HERC2: variants seen among roughly 807,000 people sequenced by gnomAD.
The protein encoded by HERC2 is E3 ubiquitin-protein ligase HERC2.
HERC2 carries 102 observed loss-of-function variants against 537.7 expected under a neutral mutation model. That is an observed-to-expected ratio of 0.19 (90% CI 0.16 to 0.22). The LOEUF is 0.22. Ranked by LOEUF, HERC2 falls within the 10% of genes least tolerant of loss-of-function variation. HERC2 has a pLI of 1.00. For synonymous variants in HERC2, 2,224 were observed against 2,466.2 expected (o/e 0.90, Z 2.91); for missense variants, 4,236 against 6,198.2 (o/e 0.68, Z 10.63).
chr15:28,214,941 C>G, intron 39 of HERC2, 139 bp from the exon 40 acceptor site: 1 of 663,044 alleles, frequency 1.5e-6, no homozygotes, highest in South Asian at 2.0e-5. Context: ...GGCACGGTCT[C>G]GGCTCACTAC....
intron 44 of HERC2, among the ~76,000 whole-genome samples, chr15:28,209,620 G>C (rs1358803339): frequency 6.6e-6 from 1 of 152,170 alleles, no homozygotes; most frequent in Non-Finnish European, 1.5e-5. Flanking sequence ...TGGGATTACA[G>C]GCATGAGCCA....
In HERC2 at chr15:28,214,278, G is replaced by T; in HGVS notation, c.6359-6C>A. 1 of 1,610,340 alleles carries T rather than the reference G, an allele frequency of 6.2e-7. No homozygotes were observed. The highest frequency in any genetic ancestry group is 8.5e-7 in the Non-Finnish European group (1 of 1,178,568). On this transcript the variant is annotated splice_region_variant and splice_polypyrimidine_tract_variant and intron_variant, in intron 40 of 92. Coordinates refer to ENST00000261609, the MANE Select transcript of HERC2 (RefSeq NM_004667.6). ...GCGCCGCCTCAGCGTGGACTCTGAG[G>T]AGGAAACCAGGGGAGAAGCTGCTGC... is the stretch of plus-strand genomic sequence containing the variant.
intron 78 of HERC2, among the ~76,000 whole-genome samples, chr15:28,137,233 A>T (rs562576317): frequency 1.3e-5 from 2 of 152,358 alleles, no homozygotes; most frequent in African/African-American, 4.8e-5. Context: ...CTATATTTCA[A>T]ACCTTTTTAT....
chr15:28,246,705 A>T (rs1903744544), intron 22 of HERC2, 37 bp downstream of exon 22: 1 of 1,505,620 alleles, frequency 6.6e-7, no homozygotes, highest in Non-Finnish European at 8.9e-7. Context: ...TCTATCTCCT[A>T]AAATAAACAT....
intron 83 of HERC2, among the ~76,000 whole-genome samples, chr15:28,127,203 GCA>G (rs1889593904): frequency 6.6e-6 from 1 of 152,228 alleles, no homozygotes; most frequent in South Asian, 2.1e-4. Flanking sequence ...GGCGGGTGTC[GCA>G]CACACAAGGT....
In HERC2 at chr15:28,115,521, T is replaced by A; in HGVS notation, c.13630A>T (p.Ile4544Phe). Residue 4544 changes from isoleucine (I) to phenylalanine (F), a missense_variant, in exon 89 of 93, where the codon ATC (isoleucine) becomes TTC (phenylalanine). Physicochemically the swap from Ile to Phe is conservative, Grantham distance 21. Around this residue, in one of 27 missense-constraint regions of HERC2, gnomAD observed 313 missense variants for 462.6 expected, o/e 0.68. Transcript: ENST00000261609. ...RFLGVLLGIA[I>F]RTGSPLSLNL... ...AGGCTCAGGGGACTCCCGGTTCGGATGGCAATGCCCAGCAACACACCTGAT... is the reference window on the plus strand; with the variant it reads ...AGGCTCAGGGGACTCCCGGTTCGGAAGGCAATGCCCAGCAACACACCTGAT... 2 of 1,613,882 alleles carry A rather than the reference T, an allele frequency of 1.2e-6. No individual in the cohort carries two copies. Among genetic ancestry groups the A allele is most frequent in the Non-Finnish European group, 1.7e-6 (2 of 1,179,924 alleles).
chr15:28,112,388 T>C (rs1202099266), intron 92 of HERC2, among the ~76,000 whole-genome samples: 1 of 152,094 alleles, frequency 6.6e-6, no homozygotes, highest in Admixed American at 6.5e-5. Context: ...CCCCTACAGA[T>C]TAAGATACTA....
chr15:28,303,358 G>A (rs1386092868), intron 2 of HERC2, among the ~76,000 whole-genome samples: 1 of 151,934 alleles, frequency 6.6e-6, no homozygotes, highest in African/African-American at 2.4e-5. Flanking sequence ...TGTTCCATTG[G>A]TCTAGGTGTC....
intron 55 of HERC2, 104 bp downstream of exon 55, chr15:28,190,857 ATTAT>A: frequency 1.4e-6 from 1 of 734,710 alleles, no homozygotes; most frequent in East Asian, 2.6e-5. Flanking sequence ...GAAAGAACCA[ATTAT>A]TTAAACGGGG....
intron 2 of HERC2, among the ~76,000 whole-genome samples, chr15:28,303,548 T>C (rs1174736872): frequency 6.6e-6 from 1 of 152,258 alleles, no homozygotes; most frequent in Non-Finnish European, 1.5e-5. Flanking sequence ...TGTGATTCCA[T>C]ACAAATTTCA....
At chr15:28,169,221 A>G (rs1016712824) in intron 66 of HERC2, among the ~76,000 whole-genome samples, 1 of 152,224 alleles carries the variant, frequency 6.6e-6, no homozygotes, top group African/African-American at 2.4e-5. Flanking sequence ...TTCTTCCCCC[A>G]AATATTGATG....
At position 28,113,621 on chromosome 15, in the gene HERC2, C is replaced by T. The variant is rs770720326; in HGVS notation, c.13971G>A (p.Val4657=). 40 of 1,614,066 alleles carry T rather than the reference C, an allele frequency of 2.5e-5. No individual in the cohort carries two copies. The highest frequency in any genetic ancestry group is 6.7e-5 in the Admixed American group (4 of 60,014). The part of the protein sequence containing the change: ...AAVREGMARV[V]PVPLLSLFTG... ...TGAACAGAGAGAGGAGGGGAACAGGCACAACGCGGGCCATTCCTTCCCGAA... is the reference window on the plus strand; with the variant it reads ...TGAACAGAGAGAGGAGGGGAACAGGTACAACGCGGGCCATTCCTTCCCGAA... The change falls in exon 91 of 93, where the codon GTG becomes GTA. Residue 4657 remains valine (V), a synonymous_variant. Transcript: ENST00000261609. The surrounding 1 kb of genome is among the most constrained non-coding windows in gnomAD (Gnocchi z 7.0).
chr15:28,311,762 C>G (rs1165397881), intron 2 of HERC2, among the ~76,000 whole-genome samples: 1 of 152,116 alleles, frequency 6.6e-6, no homozygotes, highest in South Asian at 2.1e-4. Context: ...GGGGAGACCC[C>G]TGCCCAGACC....
intron 35 of HERC2, among the ~76,000 whole-genome samples, chr15:28,225,293 G>A (rs1901005582): frequency 6.6e-6 from 1 of 151,796 alleles, no homozygotes; most frequent in African/African-American, 2.4e-5. Context: ...CAGAAAGAAG[G>A]AAACGATAGA....
intron 23 of HERC2, among the ~76,000 whole-genome samples, chr15:28,242,648 C>G (rs1439615277): frequency 1.3e-5 from 2 of 152,168 alleles, no homozygotes. Context: ...ATTACAACTA[C>G]AGATGCAAAA....
chr15:28,314,389 A>C (rs2077026222), intron 2 of HERC2, among the ~76,000 whole-genome samples: 1 of 152,236 alleles, frequency 6.6e-6, no homozygotes, highest in South Asian at 2.1e-4. Context: ...AAGTGAGACA[A>C]GGAGATCAAT....
intron 47 of HERC2, 64 bp from the exon 48 acceptor site, chr15:28,201,618 A>C: frequency 2.0e-6 from 2 of 993,120 alleles, no homozygotes; most frequent in Non-Finnish European, 3.2e-6. Context: ...CTCAAAAAGA[A>C]ATAAGTCTGT....
Position 28,179,125 on chromosome 15 carries a change from G to T in HERC2, c.9019+17C>A. On this transcript the variant is annotated intron_variant, in intron 58 of 92. Coordinates refer to ENST00000261609, the MANE Select transcript of HERC2 (RefSeq NM_004667.6). ...CAAGCATAATTTAAAAATTTTTTAA[G>T]ATTAGAATAATCATACCTGCAAACA... The T allele has an allele frequency of 1.2e-6, 2 of 1,604,864 alleles. No homozygotes were observed. Among genetic ancestry groups the T allele is most frequent in the Non-Finnish European group, 1.7e-6 (2 of 1,176,892 alleles).
chr15:28,228,130 A>C (rs1001425802), intron 35 of HERC2, 88 bp downstream of exon 35: 2 of 306,136 alleles, frequency 6.5e-6, no homozygotes, highest in African/African-American at 5.2e-5. Context: ...AAAAAGCTTT[A>C]AAAAAAAAAA....
Sources: gnomAD v4.1 joint callset for allele counts (sites outside exome capture counted in the v4.1 genomes callset) on GRCh38, gnomAD v4.1.1 for gene constraint, gnomAD v4.1.1 regional missense constraint, Gnocchi (gnomAD v3.1) non-coding constraint, MANE v1.5 for transcripts, NCBI Gene and HGNC (gene_info 2026-07-23, HGNC 2026-07-21) for gene names.